DPP10: variants seen among roughly 807,000 people sequenced by gnomAD.
The protein encoded by DPP10 is dipeptidyl peptidase like 10.
DPP10 carries 33 observed loss-of-function variants against 120.9 expected under a neutral mutation model. That is an observed-to-expected ratio of 0.27 (90% confidence interval 0.21 to 0.37). The LOEUF is 0.37. Ranked by LOEUF, DPP10 falls within the 10% of genes least tolerant of loss-of-function variation. DPP10 has a pLI of 1.00. For synonymous variants in DPP10, 337 were observed against 326.1 expected (o/e 1.03, Z -0.36); for missense variants, 816 against 942.8 (o/e 0.87, Z 1.76).
intron 1 of DPP10, among the ~76,000 whole-genome samples, chr2:114,619,929 T>C (rs1006072915): frequency 4.6e-5 from 7 of 151,952 alleles, no homozygotes; most frequent in African/African-American, 1.7e-4. Flanking sequence ...AAATTTGAAC[T>C]AGCTTTCTCC....
intron 1 of DPP10, among the ~76,000 whole-genome samples, chr2:115,275,024 A>G (rs72839292): frequency 0.062 from 9,375 of 152,264 alleles, 449 homozygotes; most frequent in Non-Finnish European, 0.088. Context: ...ACAAGGTGTT[A>G]TGAACCAGAG....
rs151330062 is a variant in DPP10 at position 115,218,893 on chromosome 2, A to G, written c.61-90346A>G. On this transcript the variant is annotated intron_variant, in intron 1 of 25. Coordinates refer to ENST00000410059, the MANE Select transcript of DPP10 (RefSeq NM_020868.6). ...GTAGTTTTTATAATACATTTTTACT[A>G]AGAGGGACCAATATCATATGTTCCC... Among the ~76,000 whole-genome samples the G allele has an allele frequency of 4.0e-3, 602 of 152,208 alleles. 4 individuals carry two copies. Among genetic ancestry groups the G allele is most frequent in the South Asian group, 0.029 (140 of 4,826 alleles).
chr2:114,704,945 A>G lies in DPP10; in HGVS notation c.60+262107A>G, dbSNP rs1019866737. Among the ~76,000 whole-genome samples, 94 of 152,156 alleles carry G rather than the reference A, an allele frequency of 6.2e-4. 1 individual carries two copies. Among genetic ancestry groups the G allele is most frequent in the Admixed American group, 6.2e-3 (94 of 15,270 alleles). On this transcript the variant is annotated intron_variant, in intron 1 of 25. Transcript: ENST00000410059. ...CATCTATAGGAAAGACTATCTGAGG[A>G]CACAGTGAGAAGGTAGCCATCTACA...
chr2:115,246,643 A>G (rs979396060), intron 1 of DPP10, among the ~76,000 whole-genome samples: 2 of 152,136 alleles, frequency 1.3e-5, no homozygotes, highest in African/African-American at 4.8e-5. Context: ...AGGCGACAGA[A>G]CGGAGGGAAA....
chr2:114,848,022 G>C (rs1464096512), intron 1 of DPP10, among the ~76,000 whole-genome samples: 2 of 152,162 alleles, frequency 1.3e-5, no homozygotes, highest in Non-Finnish European at 2.9e-5. Flanking sequence ...AAAAGTATCA[G>C]TTTTATATGT....
At chr2:114,652,001 T>G (rs1010119145) in intron 1 of DPP10, among the ~76,000 whole-genome samples, 4 of 152,162 alleles carry the variant, frequency 2.6e-5, no homozygotes, top group African/African-American at 7.2e-5. Context: ...AGATGATTCC[T>G]ATCCGTGAAC....
chr2:114,616,386 C>T (rs1693678549), intron 1 of DPP10, among the ~76,000 whole-genome samples: 1 of 152,070 alleles, frequency 6.6e-6, no homozygotes, highest in African/African-American at 2.4e-5. Context: ...TTCTGCCAGC[C>T]TGATGGGATT....
At chr2:115,764,502 A>G (rs1680488294) in intron 12 of DPP10, among the ~76,000 whole-genome samples, 1 of 152,094 alleles carries the variant, frequency 6.6e-6, no homozygotes, top group South Asian at 2.1e-4. Flanking sequence ...AACAATGGAC[A>G]ATATATAACA....
chr2:114,988,484 CA>C (rs1700562243), intron 1 of DPP10, among the ~76,000 whole-genome samples: 2 of 152,156 alleles, frequency 1.3e-5, no homozygotes, highest in Non-Finnish European at 2.9e-5. Flanking sequence ...CATAAATTAT[CA>C]TTTTTTTTCT....
chr2:114,815,682 A>G (rs114701230), intron 1 of DPP10, among the ~76,000 whole-genome samples: 1 of 152,126 alleles, frequency 6.6e-6, no homozygotes, highest in Non-Finnish European at 1.5e-5. Flanking sequence ...CAGGGAATAC[A>G]CTGTCTTTCT....
At chr2:115,414,363 G>T (rs1241521136) in intron 3 of DPP10, among the ~76,000 whole-genome samples, 1 of 152,120 alleles carries the variant, frequency 6.6e-6, no homozygotes, top group East Asian at 1.9e-4. Context: ...TTTATGGCTA[G>T]TTTCCGCCAT....
chr2:114,599,515 A>G (rs146803116), intron 1 of DPP10, among the ~76,000 whole-genome samples: 2 of 151,776 alleles, frequency 1.3e-5, no homozygotes, highest in East Asian at 3.9e-4. Flanking sequence ...TGAATATACT[A>G]CTTTTTAAAT....
At chr2:114,767,444 A>C (rs1353281015) in intron 1 of DPP10, among the ~76,000 whole-genome samples, 2 of 151,952 alleles carry the variant, frequency 1.3e-5, no homozygotes, top group African/African-American at 4.8e-5. Flanking sequence ...GTACCAAAAA[A>C]TGATGAATGA....
intron 16 of DPP10, 105 bp from the exon 17 acceptor site, chr2:115,782,247 C>T: frequency 2.2e-6 from 2 of 925,228 alleles, no homozygotes; most frequent in Admixed American, 2.3e-5. Flanking sequence ...ATGTTTTAAC[C>T]ACGAAGTGCT....
intron 1 of DPP10, among the ~76,000 whole-genome samples, chr2:114,901,418 G>A (rs572773862): frequency 2.6e-5 from 4 of 152,158 alleles, no homozygotes; most frequent in South Asian, 2.1e-4. Context: ...GGATGGTCTC[G>A]ATCTCCTGAC....
intron 5 of DPP10, among the ~76,000 whole-genome samples, chr2:115,565,920 G>T (rs1575193508): frequency 6.6e-6 from 1 of 151,688 alleles, no homozygotes; most frequent in East Asian, 1.9e-4. Context: ...CATGTAGCTG[G>T]GATTATAGGC....
In DPP10 at chr2:115,836,515, T is replaced by C; in HGVS notation, c.2059T>C (p.Phe687Leu). 1 of 1,613,512 alleles carries C rather than the reference T, an allele frequency of 6.2e-7. No individual in the cohort carries two copies. Among genetic ancestry groups the C allele is most frequent in the Non-Finnish European group, 8.5e-7 (1 of 1,179,796 alleles). The part of the protein sequence containing the change: ...ITDLKLYASA[F>L]SERYLGMPSK... The stretch of plus-strand genomic sequence containing the variant: ...GTTTTCTTGGGTCACAGCCTCAGCT[T>C]TCTCTGAAAGATACCTTGGGATGCC... The change falls in exon 23 of 26, where the codon TTC becomes CTC. Residue 687 changes from phenylalanine (F) to leucine (L), a missense_variant. By Grantham distance (22) the Phe-to-Leu change is conservative. Around this residue, in one of 3 missense-constraint regions of DPP10, gnomAD observed 592 missense variants for 649.0 expected, o/e 0.91. Transcript: ENST00000410059.
chr2:115,144,224 G>A (rs2051089534), intron 1 of DPP10: 1 of 152,232 alleles, frequency 6.6e-6, no homozygotes, highest in South Asian at 2.1e-4. Context: ...AAACACCAAT[G>A]CAACAGAAAT....
chr2:114,459,671 A>G (rs1397871782), intron 1 of DPP10, among the ~76,000 whole-genome samples: 1 of 152,206 alleles, frequency 6.6e-6, no homozygotes, highest in Non-Finnish European at 1.5e-5. Context: ...ATTAAATAAC[A>G]ATGGATAATC....
Sources: gnomAD v4.1 joint callset for allele counts (sites outside exome capture counted in the v4.1 genomes callset) on GRCh38, gnomAD v4.1.1 for gene constraint, gnomAD v4.1.1 regional missense constraint, MANE v1.5 for transcripts, NCBI Gene and HGNC (gene_info 2026-07-23, HGNC 2026-07-21) for gene names.